Variants in MYT1 observed in about 807,000 individuals in gnomAD.
MYT1 encodes myelin transcription factor 1, also known as myelin transcription factor I.
A neutral mutation model predicts 123.0 loss-of-function variants in MYT1; 23 were observed. The observed-to-expected ratio is 0.19, with a 90% CI of 0.13 to 0.26. MYT1 has a LOEUF of 0.26. Ranked by LOEUF, MYT1 falls within the 10% of genes least tolerant of loss-of-function variation. The pLI, the probability that MYT1 is intolerant of heterozygous loss-of-function variation, is 1.00. For missense variants in MYT1, 1,125 were observed against 1,472.5 expected, an observed-to-expected ratio of 0.76 and a Z score of 3.86; for synonymous variants, 518 against 575.3, an observed-to-expected ratio of 0.90 and a Z score of 1.43.
chr20:64,222,403 C>T (rs988316489), intron 14 of MYT1, among the ~76,000 whole-genome samples: 16 of 152,214 alleles, frequency 1.1e-4, no homozygotes, highest in East Asian at 3.8e-4. Context: ...TCCCTGAGGC[C>T]GCAGCTGGGC....
intron 22 of MYT1, 86 bp from the exon 23 acceptor site, chr20:64,240,234 A>T: frequency 6.4e-7 from 1 of 1,551,950 alleles, no homozygotes; most frequent in Admixed American, 1.8e-5. Flanking sequence ...TCACGTGGGG[A>T]CATAGGTTTG....
At chr20:64,170,242 C>T (rs755176968) in intron 1 of MYT1, among the ~76,000 whole-genome samples, 1 of 152,196 alleles carries the variant, frequency 6.6e-6, no homozygotes, top group Non-Finnish European at 1.5e-5. Context: ...CCTTTACTTA[C>T]CTTTACTCTC....
rs1333268409 is a variant in MYT1, at chr20:64,166,291, A to G, written c.-99+1552A>G. Among the ~76,000 whole-genome samples the G allele has an allele frequency of 6.6e-6, 1 of 152,020 alleles. No individual in the cohort carries two copies. Among genetic ancestry groups the G allele is most frequent in the Non-Finnish European group, 1.5e-5 (1 of 67,984 alleles). ...CAGAGGAGGCTGGGTCAGGGCTTAG[A>G]GGGCAGTTTGTTTTCAAAGAGAAGG... On this transcript the variant is annotated intron_variant, in intron 1 of 22. Coordinates refer to ENST00000328439, the MANE Select transcript of MYT1 (RefSeq NM_004535.3). This position sits in a 1 kb window ranked among gnomAD's most constrained non-coding sequence, Gnocchi z 4.9.
intron 1 of MYT1, among the ~76,000 whole-genome samples, chr20:64,176,793 T>G (rs1982469977): frequency 6.6e-6 from 1 of 152,210 alleles, no homozygotes; most frequent in African/African-American, 2.4e-5. Flanking sequence ...TGTGACACTA[T>G]TGGTGTCCCT....
At position 64,208,395 on chromosome 20, in the gene MYT1, G is replaced by A. The variant is rs1306373473; in HGVS notation, c.1199G>A (p.Cys400Tyr). The A allele has an allele frequency of 6.2e-7, 1 of 1,613,308 alleles. No homozygotes were observed. Among genetic ancestry groups the A allele is most frequent in the African/African-American group, 1.3e-5 (1 of 74,924 alleles). The change falls in exon 7 of 23, where the codon TGC (cysteine) becomes TAC (tyrosine). Residue 400 changes from cysteine (C) to tyrosine (Y), a missense_variant. Around this residue, in one of 4 missense-constraint regions of MYT1, gnomAD observed 429 missense variants for 604.1 expected, o/e 0.71. Coordinates refer to ENST00000328439, the MANE Select transcript of MYT1 (RefSeq NM_004535.3). The surrounding 1 kb of genome is among the most constrained non-coding windows in gnomAD (Gnocchi z 5.4). ...EQVRTVCEPGCPPAEQSQLGL... is the reference protein window; with the variant it reads ...EQVRTVCEPGYPPAEQSQLGL... ...GTGCGCACAGTCTGCGAGCCGGGCTGCCCGCCTGCCGAGCAGAGCCAGCTG... is the reference window on the plus strand; with the variant it reads ...GTGCGCACAGTCTGCGAGCCGGGCTACCCGCCTGCCGAGCAGAGCCAGCTG...
rs2145686009 is a variant in MYT1 at position 64,168,358 on chromosome 20, A to G, written c.-99+3619A>G. 6.6e-6 allele frequency among the ~76,000 whole-genome samples: 1 copy of G among 152,338 alleles called. No homozygotes were observed. Among genetic ancestry groups the G allele is most frequent in the African/African-American group, 2.4e-5 (1 of 41,584 alleles). ...GTCTTTTCTCCCCAGGGTTAATGCC[A>G]TTAGGAGCGTTCCTTGTGGGAAGAT... On this transcript the variant is annotated intron_variant, in intron 1 of 22. Transcript: ENST00000328439. This position sits in a 1 kb window ranked among gnomAD's most constrained non-coding sequence, Gnocchi z 6.1.
chr20:64,209,328 T>TG (rs1983594619), intron 7 of MYT1, among the ~76,000 whole-genome samples: 1 of 152,224 alleles, frequency 6.6e-6, no homozygotes, highest in Non-Finnish European at 1.5e-5. Context: ...GGCCAGGGGC[T>TG]GCTCCCTCAG....
chr20:64,179,063 G>A (rs1030919753), intron 1 of MYT1, among the ~76,000 whole-genome samples: 1 of 139,446 alleles, frequency 7.2e-6, no homozygotes, highest in Non-Finnish European at 1.5e-5. Context: ...TTATTCAGTG[G>A]GATACCCTTC....
At chr20:64,165,977 G>A (rs1201385965) in intron 1 of MYT1, among the ~76,000 whole-genome samples, 1 of 152,154 alleles carries the variant, frequency 6.6e-6, no homozygotes, top group East Asian at 1.9e-4. Flanking sequence ...CCTCTGAGGT[G>A]CCAGCAGAGC....
rs1037345895 is a variant in MYT1 at position 64,213,762 on chromosome 20, C to T, written c.1631+115C>T. 44 of 844,724 alleles carry T rather than the reference C, an allele frequency of 5.2e-5. No individual in the cohort carries two copies. Among genetic ancestry groups the T allele is most frequent in the East Asian group, 5.1e-4 (20 of 39,172 alleles). The allele number at this position is 844,724 out of a possible 1,614,324, so 52.3% of individuals were successfully genotyped here. A position where few individuals can be genotyped will look rare whatever the true frequency, so the allele number is the denominator to read the frequency against. On this transcript the variant is annotated intron_variant, in intron 10 of 22. Transcript: ENST00000328439. This position sits in a 1 kb window ranked among gnomAD's most constrained non-coding sequence, Gnocchi z 5.6. ...GTGTGAGTGCATGTGTGTGAGTGTA[C>T]GTGCATGTGAGTGTACGTGCATGTG...
rs1420074215 is a variant in MYT1 at position 64,192,670 on chromosome 20, C to T, written c.-1+2510C>T. Among the ~76,000 whole-genome samples, 1 of 152,180 alleles carries T rather than the reference C, an allele frequency of 6.6e-6. No individual in the cohort carries two copies. The highest frequency in any genetic ancestry group is 1.5e-5 in the Non-Finnish European group (1 of 68,032). On this transcript the variant is annotated intron_variant, in intron 2 of 22. Transcript: ENST00000328439. This position sits in a 1 kb window ranked among gnomAD's most constrained non-coding sequence, Gnocchi z 5.3. The stretch of plus-strand genomic sequence containing the variant: ...GGGTATGCAGGAGCTGATGGTAGCT[C>T]CTCAACCCCCTTCTTGCCAAATATT...
intron 1 of MYT1, among the ~76,000 whole-genome samples, chr20:64,184,117 G>A (rs1982731552): frequency 6.6e-6 from 1 of 152,140 alleles, no homozygotes; most frequent in African/African-American, 2.4e-5. Context: ...ACTGCTCCCG[G>A]CCGACAGTGT....
chr20:64,217,955 A>G (rs910421537), intron 11 of MYT1, among the ~76,000 whole-genome samples: 3 of 152,282 alleles, frequency 2.0e-5, no homozygotes, highest in African/African-American at 4.8e-5. Context: ...CTGGAAGTGC[A>G]TGCGAAATGG....
rs947171671 is a variant in MYT1 at position 64,232,117 on chromosome 20, C to T, written c.2676-47C>T. On this transcript the variant is annotated intron_variant, in intron 18 of 22. Transcript: ENST00000328439. This position sits in a 1 kb window ranked among gnomAD's most constrained non-coding sequence, Gnocchi z 6.9. ...GCTTGAGAGAGTCTCCAGGCTTCTC[C>T]TCCCAACCCTTCGCCCCTGTACTCA... 3.1e-6 allele frequency: 5 copies of T among 1,591,286 alleles called. No homozygotes were observed. The highest frequency in any genetic ancestry group is 4.3e-6 in the Non-Finnish European group (5 of 1,163,278).
intron 6 of MYT1, among the ~76,000 whole-genome samples, chr20:64,206,854 C>G (rs372215657): frequency 1.3e-5 from 2 of 152,342 alleles, no homozygotes; most frequent in Admixed American, 6.5e-5. Context: ...CCCAGGTGTC[C>G]TTGCTGACAA....
At chr20:64,169,044 C>T (rs933422057) in intron 1 of MYT1, among the ~76,000 whole-genome samples, 5 of 152,242 alleles carry the variant, frequency 3.3e-5, no homozygotes, top group African/African-American at 1.2e-4. Flanking sequence ...CTGCAATCCA[C>T]ACATCAGAGG....
chr20:64,216,121 AAGTTCTCGT>A (rs1214331269), intron 10 of MYT1, among the ~76,000 whole-genome samples: 1 of 152,148 alleles, frequency 6.6e-6, no homozygotes, highest in East Asian at 1.9e-4. Flanking sequence ...GTCCACACTT[AAGTTCTCGT>A]AGCACCCAGC....
chr20:64,208,580 G>C lies in MYT1; in HGVS notation c.1291+93G>C. 1 of 1,473,834 alleles carries C rather than the reference G, an allele frequency of 6.8e-7. No homozygotes were observed. The highest frequency in any genetic ancestry group is 9.0e-7 in the Non-Finnish European group (1 of 1,114,536). The allele number at this position is 1,473,834 out of a possible 1,614,324, so 91.3% of individuals were successfully genotyped here. Reference sequence around the variant, plus strand: ...AGGCTGAGAGCCCTTCTAGGACAGGGGGCTGGGGGATGGCAGAAAAGCAGA... The same window carrying C: ...AGGCTGAGAGCCCTTCTAGGACAGGCGGCTGGGGGATGGCAGAAAAGCAGA... On this transcript the variant is annotated intron_variant, in intron 7 of 22. Coordinates refer to ENST00000328439, the MANE Select transcript of MYT1 (RefSeq NM_004535.3). The surrounding 1 kb of genome is among the most constrained non-coding windows in gnomAD (Gnocchi z 5.4).
intron 1 of MYT1, among the ~76,000 whole-genome samples, chr20:64,180,019 T>C (rs1348185242): frequency 6.7e-6 from 1 of 149,710 alleles, no homozygotes; most frequent in South Asian, 2.1e-4. Flanking sequence ...GCTACACACA[T>C]GCTACATGCA....
Sources: allele counts gnomAD v4.1 joint callset (sites outside exome capture counted in the v4.1 genomes callset), GRCh38; gene constraint gnomAD v4.1.1; regional missense constraint gnomAD v4.1.1; non-coding constraint Gnocchi (gnomAD v3.1); transcripts MANE v1.5; gene names NCBI Gene and HGNC (gene_info 2026-07-23, HGNC 2026-07-21).